The following SIPA1L3 variants were observed in gnomAD, a reference collection of about 807,000 sequenced individuals.
SIPA1L3 encodes the protein signal induced proliferation associated 1 like 3, also known as signal-induced proliferation-associated 1-like protein 3.
In SIPA1L3, 59 loss-of-function variants were observed where a neutral mutation model predicts 150.1. The observed-to-expected ratio is 0.39, with a 90% CI of 0.32 to 0.49. The LOEUF is 0.49. Among genes scored for constraint, SIPA1L3 ranks in the 20% least tolerant of loss-of-function variants. The pLI, the probability that SIPA1L3 is intolerant of heterozygous loss-of-function variation, is 0.86. For synonymous variants in SIPA1L3, 1,070 were observed against 1,077.6 expected (o/e 0.99, Z 0.14); for missense variants, 2,211 against 2,489.5 (o/e 0.89, Z 2.38).
At chr19:37,972,860 G>A (rs906219229) in intron 1 of SIPA1L3, among the ~76,000 whole-genome samples, 1 of 152,090 alleles carries the variant, frequency 6.6e-6, no homozygotes, top group African/African-American at 2.4e-5. Context: ...AGGTAATTCT[G>A]CCCCCTTCCC....
intron 1 of SIPA1L3, among the ~76,000 whole-genome samples, chr19:38,026,257 C>T (rs1968508154): frequency 6.6e-6 from 1 of 152,170 alleles, no homozygotes; most frequent in Non-Finnish European, 1.5e-5. Flanking sequence ...CTAGCAGCTC[C>T]ACTAGTAGAT....
rs1278544764 is a variant in SIPA1L3, at chr19:38,069,585, A to C, written c.-310-11671A>C. On this transcript the variant is annotated intron_variant, in intron 2 of 21. Transcript: ENST00000222345. ...ATCAGCTGCCGAGCTTTTAAGAGGC[A>C]CTCAGGCCTGCGCCCCACCCCAACC... Among the ~76,000 whole-genome samples, 4 of 152,248 alleles carry C rather than the reference A, an allele frequency of 2.6e-5. No homozygotes were observed. In the East Asian group the frequency reaches 7.7e-4, roughly 29 times the overall value.
chr19:37,958,917 A>T (rs1037844621), intron 1 of SIPA1L3, among the ~76,000 whole-genome samples: 1 of 152,266 alleles, frequency 6.6e-6, no homozygotes, highest in Non-Finnish European at 1.5e-5. Context: ...ATGGCCTATA[A>T]GCACATGAAA....
At chr19:38,050,028 C>G (rs1969153605) in intron 2 of SIPA1L3, among the ~76,000 whole-genome samples, 1 of 152,288 alleles carries the variant, frequency 6.6e-6, no homozygotes, top group South Asian at 2.1e-4. Flanking sequence ...GAATCCTGAC[C>G]CTGCCATGTA....
intron 1 of SIPA1L3, among the ~76,000 whole-genome samples, chr19:37,924,317 TC>T (rs1451506656): frequency 1.3e-5 from 2 of 152,092 alleles, no homozygotes; most frequent in Non-Finnish European, 2.9e-5. Flanking sequence ...TGGAAGGTCT[TC>T]GGGGGCAGTA....
intron 15 of SIPA1L3, among the ~76,000 whole-genome samples, chr19:38,174,019 G>A (rs931509015): frequency 2.0e-5 from 3 of 152,050 alleles, no homozygotes; most frequent in African/African-American, 7.2e-5. Context: ...AGAGTGAGGT[G>A]GAACCCTGAG....
chr19:37,971,626 C>T (rs779780353), intron 1 of SIPA1L3, among the ~76,000 whole-genome samples: 3 of 151,776 alleles, frequency 2.0e-5, no homozygotes, highest in South Asian at 2.1e-4. Flanking sequence ...AGTACAGTGG[C>T]GCGATCTCGG....
chr19:38,202,088 C>A, intron 20 of SIPA1L3, 91 bp downstream of exon 20: 1 of 1,303,252 alleles, frequency 7.7e-7, no homozygotes, highest in Non-Finnish European at 1.0e-6. Flanking sequence ...CCATGTGGGT[C>A]ACCCCCACCA....
At chr19:38,078,543 C>T (rs1429268226) in intron 2 of SIPA1L3, among the ~76,000 whole-genome samples, 1 of 149,804 alleles carries the variant, frequency 6.7e-6, no homozygotes. Context: ...CAGACACGCA[C>T]ACACACAGAC....
intron 1 of SIPA1L3, among the ~76,000 whole-genome samples, chr19:38,007,803 G>C (rs540430987): frequency 6.6e-6 from 1 of 152,164 alleles, no homozygotes; most frequent in Non-Finnish European, 1.5e-5. Flanking sequence ...TGAGATCTCT[G>C]AGACACCATC....
intron 1 of SIPA1L3, among the ~76,000 whole-genome samples, chr19:37,988,025 A>G (rs1599871703): frequency 6.6e-6 from 1 of 152,050 alleles, no homozygotes; most frequent in African/African-American, 2.4e-5. Context: ...CCCTCCTCCT[A>G]CAGTCCCCCT....
chr19:38,155,988 G>A (rs1971941366), intron 13 of SIPA1L3, among the ~76,000 whole-genome samples: 1 of 152,184 alleles, frequency 6.6e-6, no homozygotes. Flanking sequence ...GGCTGAGGCA[G>A]GAGAATCGCT....
chr19:38,111,923 C>T (rs983449364), intron 8 of SIPA1L3, among the ~76,000 whole-genome samples: 4 of 150,010 alleles, frequency 2.7e-5, no homozygotes, highest in Non-Finnish European at 4.4e-5. Flanking sequence ...ATGCACGCAT[C>T]CGTGCACACA....
chr19:38,120,972 C>T (rs1441273058), intron 9 of SIPA1L3, among the ~76,000 whole-genome samples: 1 of 152,226 alleles, frequency 6.6e-6, no homozygotes, highest in East Asian at 1.9e-4. Flanking sequence ...CTGCCACTTA[C>T]CAGCTGCATG....
chr19:38,009,277 C>T lies in SIPA1L3; in HGVS notation c.-378-19812C>T, dbSNP rs191114376. 1.2e-3 allele frequency among the ~76,000 whole-genome samples: 178 copies of T among 152,188 alleles called. 2 individuals are homozygous for T. In the East Asian group the frequency reaches 0.019, roughly 17 times the overall value. On this transcript the variant is annotated intron_variant, in intron 1 of 21. Coordinates refer to ENST00000222345, the MANE Select transcript of SIPA1L3 (RefSeq NM_015073.3). ...TTGTGATCTACCCGCCTTGGCCTCC[C>T]GAAGTGCTAGGATTACAGGGATGAG...
intron 1 of SIPA1L3, among the ~76,000 whole-genome samples, chr19:38,000,674 CT>C (rs35100127): frequency 5.3e-5 from 7 of 132,636 alleles, no homozygotes; most frequent in East Asian, 2.1e-4. Flanking sequence ...GGGCAAAAGA[CT>C]TTTTTTTTTT....
At chr19:38,021,415 T>G (rs1968370583) in intron 1 of SIPA1L3, among the ~76,000 whole-genome samples, 1 of 152,108 alleles carries the variant, frequency 6.6e-6, no homozygotes, top group African/African-American at 2.4e-5. Flanking sequence ...GCCCTTCTAG[T>G]CTGGGCAGGG....
intron 13 of SIPA1L3, among the ~76,000 whole-genome samples, chr19:38,158,639 C>T (rs1015379747): frequency 2.6e-5 from 4 of 152,076 alleles, no homozygotes; most frequent in African/African-American, 7.2e-5. Context: ...CAGAGGTAGG[C>T]GGAGATGCAC....
At chr19:37,998,562 G>C (rs113342246) in intron 1 of SIPA1L3, among the ~76,000 whole-genome samples, 1 of 152,138 alleles carries the variant, frequency 6.6e-6, no homozygotes, top group Non-Finnish European at 1.5e-5. Context: ...TGGGAGGATT[G>C]CTTGAGCTCA....
Sources: allele counts gnomAD v4.1 joint callset (sites outside exome capture counted in the v4.1 genomes callset), GRCh38; gene constraint gnomAD v4.1.1; transcripts MANE v1.5; gene names NCBI Gene and HGNC (gene_info 2026-07-23, HGNC 2026-07-21).